The following ASIC4 variants were observed in gnomAD, a reference collection of about 807,000 sequenced individuals.
ASIC4 encodes acid sensing ion channel subunit family member 4.
In ASIC4, 28 loss-of-function variants were observed where a neutral mutation model predicts 53.4. The observed-to-expected ratio is 0.52, with a 90% CI of 0.39 to 0.72. The LOEUF is 0.72. ASIC4 is among the 30% of genes least tolerant of loss of function. The pLI is 0.00. For missense variants in ASIC4, 649 were observed against 729.7 expected, an observed-to-expected ratio of 0.89 and a Z score of 1.27; for synonymous variants, 289 against 301.4, an observed-to-expected ratio of 0.96 and a Z score of 0.43.
rs112188759 is a variant in ASIC4, at chr2:219,531,372, A to T, written c.583-386A>T. 6.9e-3 allele frequency among the ~76,000 whole-genome samples: 1,056 copies of T among 152,264 alleles called. 6 individuals are homozygous for T. The highest frequency in any genetic ancestry group is 0.024 in the African/African-American group (1,005 of 41,544). On this transcript the variant is annotated intron_variant, in intron 1 of 9. Coordinates refer to ENST00000358078, the MANE Select transcript of ASIC4 (RefSeq NM_018674.6). Reference sequence around the variant, plus strand: ...CAGAGCAAGACCATATCTCAAAAAAAAAAGAAGAGAAAGAAGTGTCCCAGG... The same window carrying T: ...CAGAGCAAGACCATATCTCAAAAAATAAAGAAGAGAAAGAAGTGTCCCAGG...
intron 1 of ASIC4, among the ~76,000 whole-genome samples, chr2:219,528,431 G>A (rs902669534): frequency 4.1e-4 from 63 of 152,068 alleles, no homozygotes; most frequent in African/African-American, 1.4e-3. Context: ...CACCATATTG[G>A]CCAGGCTGGT....
chr2:219,536,966 T>G lies in ASIC4; in HGVS notation c.1230-100T>G, dbSNP rs1271680239. 11 of 1,027,468 alleles carry G rather than the reference T, an allele frequency of 1.1e-5. No homozygotes were observed. Among genetic ancestry groups the G allele is most frequent in the Non-Finnish European group, 1.5e-5 (10 of 676,608 alleles). 63.6% of individuals were successfully genotyped at this position (1,027,468 alleles called of 1,614,324 possible). On this transcript the variant is annotated intron_variant, in intron 6 of 9. Coordinates refer to ENST00000358078, the MANE Select transcript of ASIC4 (RefSeq NM_018674.6). This position sits in a 1 kb window ranked among gnomAD's most constrained non-coding sequence, Gnocchi z 4.6. ...CGGGGGGTAGTCACTGACTTCCCCA[T>G]GTAGTGATCTCTGATCAGGATCTGC...
At chr2:219,507,697 G>A in the ASIC4 span, among the ~76,000 whole-genome samples, 1 of 152,176 alleles carries the variant, frequency 6.6e-6, no homozygotes, top group Non-Finnish European at 1.5e-5. Flanking sequence ...CCAGCTGTGG[G>A]TGTGGAGCTG....
At chr2:219,525,940 A>C (rs1694955720) in intron 1 of ASIC4, among the ~76,000 whole-genome samples, 1 of 152,238 alleles carries the variant, frequency 6.6e-6, no homozygotes, top group Admixed American at 6.5e-5. Context: ...GACCAGAGGC[A>C]GGGTGCCCAG....
At position 219,536,964 on chromosome 2, in the gene ASIC4, C is replaced by T; in HGVS notation, c.1230-102C>T. The T allele has an allele frequency of 9.8e-7, 1 of 1,023,870 alleles. No individual in the cohort carries two copies. The highest frequency in any genetic ancestry group is 1.5e-6 in the Non-Finnish European group (1 of 674,772). 63.4% of individuals were successfully genotyped at this position (1,023,870 alleles called of 1,614,324 possible). A position where few individuals can be genotyped will look rare whatever the true frequency, so the allele number is the denominator to read the frequency against. ...TCCGGGGGGTAGTCACTGACTTCCC[C>T]ATGTAGTGATCTCTGATCAGGATCT... On this transcript the variant is annotated intron_variant, in intron 6 of 9. Coordinates refer to ENST00000358078, the MANE Select transcript of ASIC4 (RefSeq NM_018674.6). The surrounding 1 kb of genome is among the most constrained non-coding windows in gnomAD (Gnocchi z 4.6).
intron 1 of ASIC4, among the ~76,000 whole-genome samples, chr2:219,519,006 G>T (rs112466301): frequency 0.037 from 5,561 of 152,236 alleles, 151 homozygotes; most frequent in Non-Finnish European, 0.05. Context: ...CGGGGTTCAT[G>T]CCATTCTCTT....
At chr2:219,514,287 G>A (rs1448319527), upstream of ASIC4, 36 of 1,474,440 alleles carry the variant, frequency 2.4e-5, no homozygotes, top group East Asian at 4.9e-4. Context: ...CCGTGCTGCC[G>A]GTGAAACGCT....
rs1694821070 is a variant in ASIC4, at chr2:219,517,866, A to G, written c.582+2560A>G. On this transcript the variant is annotated intron_variant, in intron 1 of 9. Transcript: ENST00000358078. The surrounding 1 kb of genome is among the most constrained non-coding windows in gnomAD (Gnocchi z 4.2). ...GGACAGGCTTCACCAAGGGGCTGTT[A>G]TGTGTTTTCTGTTGCTTTCCCTGTT... Among the ~76,000 whole-genome samples, 2 of 151,832 alleles carry G rather than the reference A, an allele frequency of 1.3e-5. No homozygotes were observed. Among genetic ancestry groups the G allele is most frequent in the African/African-American group, 4.8e-5 (2 of 41,284 alleles).
At position 219,537,805 on chromosome 2, in the gene ASIC4, T is replaced by C. The variant is rs1695169683; in HGVS notation, c.1506+69T>C. 1.3e-6 allele frequency: 2 copies of C among 1,539,694 alleles called. No homozygotes were observed. Among genetic ancestry groups the C allele is most frequent in the African/African-American group, 2.7e-5 (2 of 73,156 alleles). On this transcript the variant is annotated intron_variant, in intron 9 of 9. Transcript: ENST00000358078. The surrounding 1 kb of genome is among the most constrained non-coding windows in gnomAD (Gnocchi z 4.9). ...CCCAGGACTGAATACATCCATTGTT[T>C]CTGAACCAGCCTGTGGAGGGGGCCC...
chr2:219,535,345 G>GGA, intron 6 of ASIC4, 21 bp downstream of exon 6: 2 of 1,570,576 alleles, frequency 1.3e-6, no homozygotes, highest in Non-Finnish European at 1.7e-6. Flanking sequence ...GTGTGTGTGG[G>GGA]GGGTGGCTGT....
Position 219,537,200 on chromosome 2 carries a change from C to G in ASIC4, c.1322-42C>G, listed in dbSNP as rs376408717. The G allele has an allele frequency of 3.1e-6, 5 of 1,611,480 alleles. No individual in the cohort carries two copies. The highest frequency in any genetic ancestry group is 4.2e-6 in the Non-Finnish European group (5 of 1,177,992). The stretch of plus-strand genomic sequence containing the variant: ...GCCCCCAGCTTGTGTGGGGGTGGAT[C>G]GGCCCGGCCGCTCCCTCTGACACTG... On this transcript the variant is annotated intron_variant, in intron 7 of 9. Transcript: ENST00000358078. This position sits in a 1 kb window ranked among gnomAD's most constrained non-coding sequence, Gnocchi z 4.9.
chr2:219,518,822 G>T lies in ASIC4; in HGVS notation c.582+3516G>T, dbSNP rs73991592. Among the ~76,000 whole-genome samples, 120 of 152,350 alleles carry T rather than the reference G, an allele frequency of 7.9e-4. No homozygotes were observed. Among genetic ancestry groups the T allele is most frequent in the African/African-American group, 2.8e-3 (115 of 41,584 alleles). On this transcript the variant is annotated intron_variant, in intron 1 of 9. Coordinates refer to ENST00000358078, the MANE Select transcript of ASIC4 (RefSeq NM_018674.6). The surrounding 1 kb of genome is among the most constrained non-coding windows in gnomAD (Gnocchi z 4.8). ...TCTCCTCTCACCTGGGGACCACCAG[G>T]ATTCGAACCTCGGCTCTACGCATTA...
intron 1 of ASIC4, among the ~76,000 whole-genome samples, chr2:219,529,164 C>G (rs1695001841): frequency 6.6e-6 from 1 of 152,234 alleles, no homozygotes; most frequent in Non-Finnish European, 1.5e-5. Flanking sequence ...ATAATAGTAC[C>G]CACCTCACAG....
rs1254539838 is a variant in ASIC4, at chr2:219,516,059, GCATGCACA to G, written c.582+763_582+770del. Among the ~76,000 whole-genome samples the G allele has an allele frequency of 6.6e-6, 1 of 152,168 alleles. No individual in the cohort carries two copies. The highest frequency in any genetic ancestry group is 1.5e-5 in the Non-Finnish European group (1 of 68,016). Reference sequence around the variant, plus strand: ...CCCTCACTGCTGCCCCAGCACGGGTGCATGCACACATGCACACGCACACACGCACACGC... The same window carrying G: ...CCCTCACTGCTGCCCCAGCACGGGTGCATGCACACGCACACACGCACACGC... On this transcript the variant is annotated intron_variant, in intron 1 of 9. Coordinates refer to ENST00000358078, the MANE Select transcript of ASIC4 (RefSeq NM_018674.6). This position sits in a 1 kb window ranked among gnomAD's most constrained non-coding sequence, Gnocchi z 4.9.
At chr2:219,531,661 A>G (rs774159583) in intron 1 of ASIC4, 97 bp from the exon 2 acceptor site, 178 of 1,396,044 alleles carry the variant, frequency 1.3e-4, no homozygotes, top group Middle Eastern at 1.9e-4. Flanking sequence ...GGAGTGTCCA[A>G]GCAGATCTGG....
Position 219,537,353 on chromosome 2 carries a change from G to T in ASIC4, c.1401+32G>T. On this transcript the variant is annotated intron_variant, in intron 8 of 9. Transcript: ENST00000358078. This position sits in a 1 kb window ranked among gnomAD's most constrained non-coding sequence, Gnocchi z 4.9. ...GCCCTGGAGAAGGCAGGGTGGGAGTGGGGGCCGTGGGCAAAGCAGAAGGGG... is the reference window on the plus strand; with the variant it reads ...GCCCTGGAGAAGGCAGGGTGGGAGTTGGGGCCGTGGGCAAAGCAGAAGGGG... 1 of 1,596,074 alleles carries T rather than the reference G, an allele frequency of 6.3e-7. No homozygotes were observed. Among genetic ancestry groups the T allele is most frequent in the Non-Finnish European group, 8.5e-7 (1 of 1,170,970 alleles).
rs1469280895 is a variant in ASIC4 at position 219,531,886 on chromosome 2, C to T, written c.711C>T (p.Pro237=). The change falls in exon 2 of 10, where the codon CCC becomes CCT. Residue 237 remains proline (P), a synonymous_variant. Coordinates refer to ENST00000358078, the MANE Select transcript of ASIC4 (RefSeq NM_018674.6). ...ACATCCAGCAGGAGGAGTACCTGCCCATCTGGAGGGAGACAAGTACGCAGG... is the reference window on the plus strand; with the variant it reads ...ACATCCAGCAGGAGGAGTACCTGCCTATCTGGAGGGAGACAAGTACGCAGG... The part of the protein sequence containing the change: ...MLDIQQEEYL[P]IWRETNETSF... The T allele has an allele frequency of 7.4e-6, 12 of 1,611,676 alleles. No individual in the cohort carries two copies. Among genetic ancestry groups the T allele is most frequent in the Middle Eastern group, 1.6e-4 (1 of 6,070 alleles).
chr2:219,536,921 C>T lies in ASIC4; in HGVS notation c.1230-145C>T. 1 of 671,462 alleles carries T rather than the reference C, an allele frequency of 1.5e-6. No individual in the cohort carries two copies. The highest frequency in any genetic ancestry group is 2.7e-5 in the Admixed American group (1 of 37,638). 41.6% of individuals were successfully genotyped at this position (671,462 alleles called of 1,614,324 possible). On this transcript the variant is annotated intron_variant, in intron 6 of 9. Transcript: ENST00000358078. The surrounding 1 kb of genome is among the most constrained non-coding windows in gnomAD (Gnocchi z 4.6). ...CTAACACACATCCGGGACTGCCTCC[C>T]CTCACAGCCTTGGGGAGTCCGGGGG...
intron 1 of ASIC4, among the ~76,000 whole-genome samples, chr2:219,531,084 C>T (rs1202106469): frequency 1.3e-5 from 2 of 152,016 alleles, no homozygotes; most frequent in African/African-American, 4.8e-5. Context: ...TGTGGTGGCT[C>T]ATGCTTGTAA....
Sources: allele counts gnomAD v4.1 joint callset (sites outside exome capture counted in the v4.1 genomes callset), GRCh38; gene constraint gnomAD v4.1.1; non-coding constraint Gnocchi (gnomAD v3.1); transcripts MANE v1.5; gene names NCBI Gene and HGNC (gene_info 2026-07-23, HGNC 2026-07-21).